MOV10L1: variants seen among roughly 807,000 people sequenced by gnomAD.
The protein encoded by MOV10L1 is RNA helicase Mov10l1.
MOV10L1 carries 110 observed loss-of-function variants against 143.8 expected under a neutral mutation model. That is an observed-to-expected ratio of 0.76 (90% CI 0.66 to 0.90). The LOEUF (loss-of-function observed/expected upper bound fraction) is 0.90. Among genes scored for constraint, MOV10L1 ranks in the 40% least tolerant of loss-of-function variants. MOV10L1 has a pLI of 0.00. For missense variants in MOV10L1, 1,406 were observed against 1,526.8 expected (o/e 0.92, Z 1.32); for synonymous variants, 593 against 581.1 (o/e 1.02, Z -0.29).
chr22:50,126,575 A>G (rs2062512786), intron 12 of MOV10L1, among the ~76,000 whole-genome samples: 1 of 152,140 alleles, frequency 6.6e-6, no homozygotes, highest in Non-Finnish European at 1.5e-5. Flanking sequence ...GAGGCCTTGA[A>G]AGGAAAAATA....
In MOV10L1 at chr22:50,100,751, C is replaced by T. The variant is rs574779112; in HGVS notation, c.442+1149C>T. Among the ~76,000 whole-genome samples, 15 of 151,656 alleles carry T rather than the reference C, an allele frequency of 9.9e-5. No homozygotes were observed. The South Asian group carries it at 2.1e-3, about 21-fold the overall frequency. On this transcript the variant is annotated intron_variant, in intron 3 of 26. Coordinates refer to ENST00000262794, the MANE Select transcript of MOV10L1 (RefSeq NM_018995.3). ...TGAACTCCTGACCTTGTGATCTGCC[C>T]GCCTTGGCCTCCCAAAGTGCTGGGA... is the stretch of plus-strand genomic sequence containing the variant.
rs2063039059 is a variant in MOV10L1 at position 50,143,175 on chromosome 22, C to T, written c.2312C>T (p.Pro771Leu). ...CCCCTCCCGTATATTCTCTTTGGAC[C>T]TCCTGGTACTGGAAAGACAGTGACA... The part of the protein sequence containing the change: ...CRPLPYILFG[P>L]PGTGKTVTII... Residue 771 changes from proline to leucine, a missense_variant, in exon 17 of 27, where the codon CCT becomes CTT. Around this residue, in one of 3 missense-constraint regions of MOV10L1, gnomAD observed 1,233 missense variants for 1,351.4 expected, o/e 0.91. Coordinates refer to ENST00000262794, the MANE Select transcript of MOV10L1 (RefSeq NM_018995.3). 1.2e-6 allele frequency: 2 copies of T among 1,614,138 alleles called. No homozygotes were observed. The highest frequency in any genetic ancestry group is 8.5e-7 in the Non-Finnish European group (1 of 1,180,030).
chr22:50,100,511 CT>C (rs1206339093), intron 3 of MOV10L1, among the ~76,000 whole-genome samples: 3 of 151,630 alleles, frequency 2.0e-5, no homozygotes, highest in Non-Finnish European at 4.4e-5. Flanking sequence ...CTTTTTCTTT[CT>C]TTCTTTCTTT....
In MOV10L1 at chr22:50,115,618, A is replaced by G. The variant is rs143670029; in HGVS notation, c.1259+372A>G. 3.3e-3 allele frequency among the ~76,000 whole-genome samples: 501 copies of G among 152,294 alleles called. 5 individuals are homozygous for G. Among genetic ancestry groups the G allele is most frequent in the Middle Eastern group, 6.8e-3 (2 of 294 alleles). On this transcript the variant is annotated intron_variant, in intron 8 of 26. Coordinates refer to ENST00000262794, the MANE Select transcript of MOV10L1 (RefSeq NM_018995.3). ...ATCCTAAGAAAAAGCATTGGTCTAG[A>G]AGCTGGGTACCAAGTGTGACCCACC...
chr22:50,117,967 C>T (rs1242913256), intron 9 of MOV10L1, among the ~76,000 whole-genome samples: 2 of 152,110 alleles, frequency 1.3e-5, no homozygotes, highest in East Asian at 3.9e-4. Context: ...AGTGTAATGA[C>T]TTAGTCCCGT....
At chr22:50,138,339 A>G (rs1487413939) in intron 15 of MOV10L1, among the ~76,000 whole-genome samples, 1 of 152,100 alleles carries the variant, frequency 6.6e-6, no homozygotes, top group Non-Finnish European at 1.5e-5. Flanking sequence ...GGAGGCTGAG[A>G]TGGGAAAATC....
Position 50,125,650 on chromosome 22 carries a change from T to G in MOV10L1, c.1747+81T>G. ...AGAGAAGATACTCTTTAACTGGCAATATGACAGTCACATTATCGCATTTTC... is the reference window on the plus strand; with the variant it reads ...AGAGAAGATACTCTTTAACTGGCAAGATGACAGTCACATTATCGCATTTTC... On this transcript the variant is annotated intron_variant, in intron 11 of 26. Transcript: ENST00000262794. 7 of 1,357,526 alleles carry G rather than the reference T, an allele frequency of 5.2e-6. No homozygotes were observed. In the South Asian group the frequency reaches 1.0e-4, roughly 19 times the overall value. The allele number at this position is 1,357,526 out of a possible 1,614,324, so 84.1% of individuals were successfully genotyped here.
chr22:50,108,450 T>G, intron 4 of MOV10L1: 1 of 751,366 alleles, frequency 1.3e-6, no homozygotes, highest in Non-Finnish European at 2.3e-6. Flanking sequence ...CATACCTGAA[T>G]TCTAAGGTCT....
At chr22:50,097,440 T>C (rs2062617332) in intron 2 of MOV10L1, among the ~76,000 whole-genome samples, 1 of 152,216 alleles carries the variant, frequency 6.6e-6, no homozygotes, top group Non-Finnish European at 1.5e-5. Context: ...AATTTTTGTG[T>C]TTGGTGTAAA....
chr22:50,146,919 A>C, intron 19 of MOV10L1: 1 of 718,780 alleles, frequency 1.4e-6, no homozygotes, highest in Non-Finnish European at 2.4e-6. Context: ...CATGTATTTT[A>C]CACTTAGAGC....
At chr22:50,114,110 G>C (rs928782916) in intron 6 of MOV10L1, among the ~76,000 whole-genome samples, 2 of 151,638 alleles carry the variant, frequency 1.3e-5, no homozygotes, top group Non-Finnish European at 2.9e-5. Flanking sequence ...AGTAGAGACG[G>C]GGTTTCACCG....
chr22:50,155,699 CT>C (rs2063408588), intron 22 of MOV10L1, among the ~76,000 whole-genome samples: 1 of 152,198 alleles, frequency 6.6e-6, no homozygotes, highest in Non-Finnish European at 1.5e-5. Flanking sequence ...TGGTCTCGAA[CT>C]CCTGACGTCA....
rs185717143 is a variant in MOV10L1 at position 50,105,561 on chromosome 22, A to G, written c.443-2575A>G. On this transcript the variant is annotated intron_variant, in intron 3 of 26. Coordinates refer to ENST00000262794, the MANE Select transcript of MOV10L1 (RefSeq NM_018995.3). ...TTCCTGCTCATCAGCTTTATTTTCA[A>G]TAACTACAATTTGCAAAAGTTATCA... Among the ~76,000 whole-genome samples, 58 of 152,332 alleles carry G rather than the reference A, an allele frequency of 3.8e-4. 1 individual carries two copies. The highest frequency in any genetic ancestry group is 3.7e-3 in the Admixed American group (57 of 15,300).
intron 3 of MOV10L1, among the ~76,000 whole-genome samples, chr22:50,106,912 A>G (rs2061884845): frequency 6.6e-6 from 1 of 151,288 alleles, no homozygotes; most frequent in African/African-American, 2.4e-5. Context: ...TGTGTTAACC[A>G]GGATGGTCTC....
At chr22:50,161,305 T>C in intron 26 of MOV10L1, 63 bp from the exon 27 acceptor site, 1 of 1,343,416 alleles carries the variant, frequency 7.4e-7, no homozygotes, top group Non-Finnish European at 1.0e-6. Flanking sequence ...GGGAAAAGAG[T>C]GCAGCTCCCA....
intron 1 of MOV10L1, 71 bp from the exon 2 acceptor site, chr22:50,091,930 C>T (rs1419102552): frequency 2.0e-6 from 3 of 1,475,032 alleles, no homozygotes; most frequent in Middle Eastern, 1.8e-4. Context: ...CTCTGCCTTT[C>T]TCTGGTGGGG....
At chr22:50,107,993 A>G in intron 3 of MOV10L1, 143 bp from the exon 4 acceptor site, 2 of 701,202 alleles carry the variant, frequency 2.9e-6, no homozygotes, top group Non-Finnish European at 4.8e-6. Context: ...TTATTCGAAA[A>G]TATGTTTCTC....
chr22:50,146,695 G>A lies in MOV10L1; in HGVS notation c.2627+885G>A, dbSNP rs564636800. On this transcript the variant is annotated intron_variant, in intron 19 of 26. Coordinates refer to ENST00000262794, the MANE Select transcript of MOV10L1 (RefSeq NM_018995.3). ...CAGGTCACCCTGGACAGTGTCCAGCGTCACGGTGGTCGTGAGGGTGACCAC... is the reference window on the plus strand; with the variant it reads ...CAGGTCACCCTGGACAGTGTCCAGCATCACGGTGGTCGTGAGGGTGACCAC... 1.7e-4 allele frequency among the ~76,000 whole-genome samples: 26 copies of A among 152,238 alleles called. 1 individual carries two copies. The East Asian group carries it at 2.1e-3, about 12-fold the overall frequency.
At chr22:50,106,110 A>G (rs1229288217) in intron 3 of MOV10L1, among the ~76,000 whole-genome samples, 1 of 152,198 alleles carries the variant, frequency 6.6e-6, no homozygotes, top group Non-Finnish European at 1.5e-5. Context: ...ATAATGTCAA[A>G]TATTTCTCCT....
Sources: gnomAD v4.1 joint callset for allele counts (sites outside exome capture counted in the v4.1 genomes callset) on GRCh38, gnomAD v4.1.1 for gene constraint, gnomAD v4.1.1 regional missense constraint, MANE v1.5 for transcripts, NCBI Gene and HGNC (gene_info 2026-07-23, HGNC 2026-07-21) for gene names.